CNTNAP2: variants seen among roughly 807,000 people sequenced by gnomAD.
The protein encoded by CNTNAP2 is contactin associated protein 2.
Under a neutral mutation model 155.2 loss-of-function variants are expected in CNTNAP2, and 98 were observed. That is an observed-to-expected ratio of 0.63 (90% CI 0.54 to 0.75). The LOEUF is 0.75. Ranked by LOEUF, CNTNAP2 falls within the 30% of genes least tolerant of loss-of-function variation. The probability of loss-of-function intolerance (pLI) is 0.00; values close to 1 mark genes in which losing one functional copy is unlikely to be tolerated. For synonymous variants in CNTNAP2, 651 were observed against 631.2 expected, an observed-to-expected ratio of 1.03 and a Z score of -0.47; for missense variants, 1,727 against 1,688.1, an observed-to-expected ratio of 1.02 and a Z score of -0.40.
intron 1 of CNTNAP2, among the ~76,000 whole-genome samples, chr7:146,627,844 A>C (rs1262863796): frequency 6.6e-6 from 1 of 152,154 alleles, no homozygotes; most frequent in African/African-American, 2.4e-5. Context: ...AAATGGAAAA[A>C]ATAATGACAC....
intron 8 of CNTNAP2, among the ~76,000 whole-genome samples, chr7:147,147,030 A>G (rs1254671943): frequency 1.3e-5 from 2 of 152,188 alleles, no homozygotes; most frequent in Non-Finnish European, 2.9e-5. Context: ...GGTAATTCAT[A>G]AAGAAAAGAG....
At chr7:147,786,145 C>T (rs967123855) in intron 13 of CNTNAP2, among the ~76,000 whole-genome samples, 3 of 151,682 alleles carry the variant, frequency 2.0e-5, no homozygotes, top group Admixed American at 2.0e-4. Flanking sequence ...CAAAAATTAG[C>T]TGGCGCATGC....
intron 1 of CNTNAP2, among the ~76,000 whole-genome samples, chr7:146,242,101 G>C (rs930568526): frequency 2.0e-5 from 3 of 152,114 alleles, no homozygotes; most frequent in African/African-American, 7.2e-5. Context: ...GATTAATTGT[G>C]ATAAGGCATG....
chr7:148,217,192 C>A, intron 18 of CNTNAP2, 96 bp from the exon 19 acceptor site: 1 of 1,166,438 alleles, frequency 8.6e-7, no homozygotes, highest in Non-Finnish European at 1.3e-6. Flanking sequence ...TTCCTGGAGC[C>A]AGTGCCTGCA....
chr7:147,592,415 G>A (rs1800753545), intron 12 of CNTNAP2, among the ~76,000 whole-genome samples: 1 of 149,244 alleles, frequency 6.7e-6, no homozygotes, highest in Non-Finnish European at 1.5e-5. Flanking sequence ...AGCCTACATA[G>A]CAAATTAATA....
chr7:148,167,116 G>A (rs1045103698), intron 17 of CNTNAP2, among the ~76,000 whole-genome samples: 1 of 152,180 alleles, frequency 6.6e-6, no homozygotes, highest in Non-Finnish European at 1.5e-5. Flanking sequence ...TATAAATTAT[G>A]AAGAGGGAGG....
intron 13 of CNTNAP2, among the ~76,000 whole-genome samples, chr7:147,641,390 T>C (rs28477379): frequency 0.044 from 6,607 of 151,840 alleles, 435 homozygotes; most frequent in Admixed American, 0.15. Flanking sequence ...TGCTGTGGAG[T>C]TGGGACTTCA....
At position 148,229,687 on chromosome 7, in the gene CNTNAP2, C is replaced by T. The variant is rs200823464; in HGVS notation, c.3289C>T (p.Pro1097Ser). The stretch of plus-strand genomic sequence containing the variant: ...ATACAACCTGGGTGGCACCCGAGAG[C>T]CATACAATATTGACGTAGACCACAG... Reference protein sequence around the residue: ...IRYNLGGTREPYNIDVDHRNM... With the variant: ...IRYNLGGTRESYNIDVDHRNM... The change falls in exon 20 of 24, where the codon CCA (proline) becomes TCA (serine). Residue 1097 changes from proline to serine, a missense_variant. By Grantham distance (74) the Pro-to-Ser change is moderately conservative. Coordinates refer to ENST00000361727, the MANE Select transcript of CNTNAP2 (RefSeq NM_014141.6). 27 of 1,614,140 alleles carry T rather than the reference C, an allele frequency of 1.7e-5. No homozygotes were observed. The highest frequency in any genetic ancestry group is 8.3e-5 in the Admixed American group (5 of 60,004).
chr7:146,807,215 A>G (rs1802984013), intron 2 of CNTNAP2, among the ~76,000 whole-genome samples: 1 of 152,170 alleles, frequency 6.6e-6, no homozygotes, highest in African/African-American at 2.4e-5. Flanking sequence ...GTATTTTTAA[A>G]ATTTTTGTAC....
intron 8 of CNTNAP2, among the ~76,000 whole-genome samples, chr7:147,259,833 C>A (rs992286839): frequency 2.0e-5 from 3 of 152,142 alleles, no homozygotes; most frequent in Admixed American, 2.0e-4. Flanking sequence ...TTTATATTAT[C>A]CAAACTATTC....
intron 1 of CNTNAP2, among the ~76,000 whole-genome samples, chr7:146,551,348 C>A (rs1221896312): frequency 2.0e-5 from 3 of 151,878 alleles, no homozygotes; most frequent in Non-Finnish European, 2.9e-5. Flanking sequence ...TCCATGTGTT[C>A]TTATTGTTCA....
At chr7:147,513,731 C>T (rs1431165540) in intron 11 of CNTNAP2, among the ~76,000 whole-genome samples, 1 of 152,268 alleles carries the variant, frequency 6.6e-6, no homozygotes, top group East Asian at 1.9e-4. Flanking sequence ...GAGACATAGC[C>T]TGCCCTCAGG....
chr7:146,555,487 C>CATCT (rs1165518631), intron 1 of CNTNAP2, among the ~76,000 whole-genome samples: 2 of 122,460 alleles, frequency 1.6e-5, no homozygotes, highest in African/African-American at 6.5e-5. Flanking sequence ...TACTCTGTAT[C>CATCT]ATCTGTCTGT....
At chr7:146,167,129 AC>A (rs1255995925) in intron 1 of CNTNAP2, among the ~76,000 whole-genome samples, 2 of 152,222 alleles carry the variant, frequency 1.3e-5, no homozygotes, top group Non-Finnish European at 2.9e-5. Context: ...AAGTCTTACT[AC>A]CAACCAACAA....
chr7:148,083,837 G>C (rs73744739), intron 15 of CNTNAP2, among the ~76,000 whole-genome samples: 7,645 of 152,140 alleles, frequency 0.05, 628 homozygotes, highest in African/African-American at 0.17. Flanking sequence ...TCCTTTATCT[G>C]TCACTTGTGT....
intron 22 of CNTNAP2, among the ~76,000 whole-genome samples, chr7:148,395,522 A>G (rs1245788094): frequency 6.6e-6 from 1 of 152,108 alleles, no homozygotes; most frequent in African/African-American, 2.4e-5. Flanking sequence ...GCCTTCCCAC[A>G]TCACTGAGAG....
intron 1 of CNTNAP2, among the ~76,000 whole-genome samples, chr7:146,499,030 A>C (rs1314076924): frequency 6.6e-6 from 1 of 152,112 alleles, no homozygotes; most frequent in Non-Finnish European, 1.5e-5. Flanking sequence ...CTTCCATATA[A>C]TTTCCTGTTG....
At chr7:146,199,948 C>T (rs1270847786) in intron 1 of CNTNAP2, among the ~76,000 whole-genome samples, 1 of 152,148 alleles carries the variant, frequency 6.6e-6, no homozygotes, top group Non-Finnish European at 1.5e-5. Context: ...ATAAACTAAT[C>T]CAAAAAGTTT....
intron 1 of CNTNAP2, among the ~76,000 whole-genome samples, chr7:146,623,510 T>C (rs1452891821): frequency 6.6e-6 from 1 of 152,222 alleles, no homozygotes; most frequent in Non-Finnish European, 1.5e-5. Flanking sequence ...CATATAAATA[T>C]AATGATAAAA....
Sources: allele counts gnomAD v4.1 joint callset (sites outside exome capture counted in the v4.1 genomes callset), GRCh38; gene constraint gnomAD v4.1.1; transcripts MANE v1.5; gene names NCBI Gene and HGNC (gene_info 2026-07-23, HGNC 2026-07-21).